GREB1L: variants seen among roughly 807,000 people sequenced by gnomAD.
GREB1L encodes the protein GREB1-like protein.
In GREB1L, 17 loss-of-function variants were observed where a neutral mutation model predicts 200.8. The observed-to-expected ratio is 0.08, with a 90% CI of 0.06 to 0.13. GREB1L has a LOEUF of 0.13. Among genes scored for constraint, GREB1L ranks in the 10% least tolerant of loss-of-function variants. The probability of loss-of-function intolerance (pLI) is 1.00; values close to 1 mark genes in which losing one functional copy is unlikely to be tolerated. For missense variants in GREB1L, 1,657 were observed against 2,367.7 expected (o/e 0.70, Z 6.23); for synonymous variants, 789 against 893.0 (o/e 0.88, Z 2.08).
intron 4 of GREB1L, among the ~76,000 whole-genome samples, chr18:21,388,323 C>T (rs1442420147): frequency 6.6e-6 from 1 of 152,030 alleles, no homozygotes; most frequent in East Asian, 1.9e-4. Flanking sequence ...TTCCATATAT[C>T]CCCACACAGT....
In GREB1L at chr18:21,490,312, C is replaced by T. The variant is rs1046136342; in HGVS notation, c.2991C>T (p.Thr997=). The T allele has an allele frequency of 2.4e-5, 38 of 1,551,706 alleles. No individual in the cohort carries two copies. The highest frequency in any genetic ancestry group is 4.9e-5 in the East Asian group (2 of 40,924). ...RFEIILGNPA[T]ELSVATHFVA... ...AGATCATCCTTGGGAACCCGGCCAC[C>T]GAACTCAGTGTTGCAACTCACTTTG... is the stretch of plus-strand genomic sequence containing the variant. Residue 997 remains threonine, a synonymous_variant, in exon 19 of 33, where the codon ACC becomes ACT. Transcript: ENST00000424526.
At chr18:21,499,687 A>G (rs1207306370) in intron 21 of GREB1L, 42 bp from the exon 22 acceptor site, 2 of 1,412,820 alleles carry the variant, frequency 1.4e-6, no homozygotes, top group African/African-American at 2.8e-5. Flanking sequence ...CTAGATCAGT[A>G]ACAGAGCTGC....
chr18:21,381,488 T>G (rs1343810456), intron 2 of GREB1L, among the ~76,000 whole-genome samples: 3 of 152,142 alleles, frequency 2.0e-5, no homozygotes, highest in African/African-American at 7.2e-5. Flanking sequence ...AAAAATTTTA[T>G]GAATATGTAT....
At chr18:21,320,746 A>G (rs1024715865) in intron 1 of GREB1L, among the ~76,000 whole-genome samples, 15 of 151,834 alleles carry the variant, frequency 9.9e-5, no homozygotes, top group African/African-American at 3.4e-4. Context: ...AGCCTGGGCA[A>G]CAGAACGAGA....
chr18:21,479,945 C>T (rs72882853), intron 17 of GREB1L, among the ~76,000 whole-genome samples: 39,883 of 151,970 alleles, frequency 0.26, 6,564 homozygotes, highest in East Asian at 0.43. Flanking sequence ...CTCACTGTAT[C>T]ACCCAGGCTG....
chr18:21,378,828 T>C (rs1256958808), intron 2 of GREB1L, among the ~76,000 whole-genome samples: 2 of 152,222 alleles, frequency 1.3e-5, no homozygotes, highest in Non-Finnish European at 2.9e-5. Flanking sequence ...GTATGTCTTC[T>C]GTAATGGTGA....
At chr18:21,424,139 G>T (rs2032380166) in intron 7 of GREB1L, among the ~76,000 whole-genome samples, 1 of 152,160 alleles carries the variant, frequency 6.6e-6, no homozygotes, top group Non-Finnish European at 1.5e-5. Flanking sequence ...GTGATGTAGG[G>T]CAACAAAGCA....
intron 4 of GREB1L, among the ~76,000 whole-genome samples, chr18:21,384,853 T>C (rs2040473099): frequency 6.9e-6 from 1 of 144,010 alleles, no homozygotes; most frequent in Non-Finnish European, 1.5e-5. Flanking sequence ...TTTACATTTA[T>C]TTTGAACACT....
chr18:21,446,319 G>A (rs373158835), intron 11 of GREB1L, among the ~76,000 whole-genome samples: 1 of 152,136 alleles, frequency 6.6e-6, no homozygotes. Context: ...CACCACGCCC[G>A]GCCTCCTTTT....
intron 1 of GREB1L, among the ~76,000 whole-genome samples, chr18:21,285,753 C>T (rs1469952492): frequency 6.6e-6 from 1 of 152,146 alleles, no homozygotes; most frequent in Non-Finnish European, 1.5e-5. Context: ...AATGGACTAA[C>T]CCTATATAGA....
chr18:21,440,238 C>CTTGT, intron 8 of GREB1L, 31 bp from the exon 9 acceptor site: 1 of 1,548,710 alleles, frequency 6.5e-7, no homozygotes, highest in South Asian at 1.2e-5. Context: ...ACAAGACTAT[C>CTTGT]TCTTTTTTTT....
At chr18:21,347,852 C>T (rs186187994) in intron 1 of GREB1L, among the ~76,000 whole-genome samples, 2 of 150,244 alleles carry the variant, frequency 1.3e-5, no homozygotes, top group African/African-American at 2.5e-5. Context: ...CTGCAATCCC[C>T]GCCTCCCAGG....
intron 7 of GREB1L, among the ~76,000 whole-genome samples, chr18:21,420,099 G>A (rs895056366): frequency 1.3e-5 from 2 of 152,112 alleles, no homozygotes; most frequent in African/African-American, 2.4e-5. Flanking sequence ...ACAGACGGGC[G>A]CGGTGGCTCA....
chr18:21,495,515 A>G (rs1280015047), intron 19 of GREB1L, among the ~76,000 whole-genome samples, 155 bp from the exon 20 acceptor site: 1 of 152,242 alleles, frequency 6.6e-6, no homozygotes, highest in Non-Finnish European at 1.5e-5. Context: ...TATGCGATGT[A>G]GTAGCAGTTA....
At chr18:21,446,721 A>G (rs1249886031) in intron 11 of GREB1L, among the ~76,000 whole-genome samples, 3 of 152,186 alleles carry the variant, frequency 2.0e-5, no homozygotes, top group African/African-American at 7.2e-5. Context: ...ATAGTTTCAC[A>G]TATGGCATAG....
At chr18:21,480,494 T>C (rs185192219) in intron 17 of GREB1L, among the ~76,000 whole-genome samples, 202 of 152,198 alleles carry the variant, frequency 1.3e-3, no homozygotes, top group Admixed American at 5.2e-4. Context: ...TTTAAAGAAA[T>C]CATCCCTGAA....
rs149267581 is a variant in GREB1L, at chr18:21,276,981, T to G, written c.-120+34588T>G. On this transcript the variant is annotated intron_variant, in intron 1 of 32. Transcript: ENST00000424526. ...TCTTGTTCTGTCGCCCAGGCTGGAG[T>G]GCAGTGGTGCGATCTTGGCTCGCTG... Among the ~76,000 whole-genome samples, 1,162 of 139,524 alleles carry G rather than the reference T, an allele frequency of 8.3e-3. 18 individuals are homozygous for G. Among genetic ancestry groups the G allele is most frequent in the African/African-American group, 0.029 (1,055 of 36,546 alleles). 91.5% of individuals were successfully genotyped at this position (139,524 alleles called of 152,430 possible). A position where few individuals can be genotyped will look rare whatever the true frequency, so the allele number is the denominator to read the frequency against.
chr18:21,432,705 C>CTTTT (rs11380208), intron 7 of GREB1L, among the ~76,000 whole-genome samples: 19 of 94,348 alleles, frequency 2.0e-4, no homozygotes, highest in South Asian at 7.4e-4. Flanking sequence ...TCTTTTTTTT[C>CTTTT]TTTTTTTTTT....
chr18:21,278,949 C>A (rs1215193925), intron 1 of GREB1L, among the ~76,000 whole-genome samples: 1 of 152,042 alleles, frequency 6.6e-6, no homozygotes, highest in Non-Finnish European at 1.5e-5. Flanking sequence ...GAACACATGT[C>A]CTATGAAGTA....
Sources: gnomAD v4.1 joint callset for allele counts (sites outside exome capture counted in the v4.1 genomes callset) on GRCh38, gnomAD v4.1.1 for gene constraint, MANE v1.5 for transcripts, NCBI Gene and HGNC (gene_info 2026-07-23, HGNC 2026-07-21) for gene names.